REEP6: variants seen among roughly 807,000 people sequenced by gnomAD.
The protein encoded by REEP6 is receptor expression-enhancing protein 6.
REEP6 carries 19 observed loss-of-function variants against 22.4 expected under a neutral mutation model. The observed-to-expected ratio is 0.85, with a 90% CI of 0.59 to 1.25. REEP6 has a LOEUF of 1.25. Ranked by LOEUF, REEP6 falls within the 50% of genes most tolerant of loss-of-function variation. REEP6 has a pLI of 0.00. For synonymous variants in REEP6, 121 were observed against 113.6 expected (o/e 1.06, Z -0.41); for missense variants, 273 against 251.9 (o/e 1.08, Z -0.57).
At chr19:1,496,763 A>G (rs2085011962) in intron 4 of REEP6, 1 of 621,872 alleles carries the variant, frequency 1.6e-6, no homozygotes, top group South Asian at 1.6e-5. Flanking sequence ...CTGTGTGCAC[A>G]TGTATTATTG....
Position 1,491,219 on chromosome 19 carries a change from G to C in REEP6, c.-51G>C. The C allele has an allele frequency of 2.3e-6, 3 of 1,306,204 alleles. No homozygotes were observed. Among genetic ancestry groups the C allele is most frequent in the Non-Finnish European group, 2.1e-6 (2 of 975,202 alleles). 80.9% of individuals were successfully genotyped at this position (1,306,204 alleles called of 1,614,324 possible). A position where few individuals can be genotyped will look rare whatever the true frequency, so the allele number is the denominator to read the frequency against. On this transcript the variant is annotated 5_prime_UTR_variant, in exon 1 of 5. Coordinates refer to ENST00000233596, the MANE Select transcript of REEP6 (RefSeq NM_138393.4). The surrounding 1 kb of genome is among the most constrained non-coding windows in gnomAD (Gnocchi z 5.4). ...GCGGTGCGCGTGCAGCGGGGTGGGTGCCCTGGTCCGCGGGCGAGCTCGAGC... is the reference window on the plus strand; with the variant it reads ...GCGGTGCGCGTGCAGCGGGGTGGGTCCCCTGGTCCGCGGGCGAGCTCGAGC...
Position 1,497,143 on chromosome 19 carries a change from G to GGGCCC in REEP6, c.518-30_518-29insGCCCG. On this transcript the variant is annotated intron_variant, in intron 4 of 4. Coordinates refer to ENST00000233596, the MANE Select transcript of REEP6 (RefSeq NM_138393.4). This position sits in a 1 kb window ranked among gnomAD's most constrained non-coding sequence, Gnocchi z 6.5. ...TCCGGGGAGCCCAGGCCTGCCTCAC[G>GGGCCC]GCCCTCCCCCACCCGCCCCTCTCTC... 2 of 1,351,250 alleles carry GGGCCC rather than the reference G, an allele frequency of 1.5e-6. No homozygotes were observed. Among genetic ancestry groups the GGGCCC allele is most frequent in the Non-Finnish European group, 9.9e-7 (1 of 1,008,080 alleles). The allele number at this position is 1,351,250 out of a possible 1,614,324, so 83.7% of individuals were successfully genotyped here.
chr19:1,494,350 A>T (rs549116371), intron 1 of REEP6, among the ~76,000 whole-genome samples: 13 of 152,206 alleles, frequency 8.5e-5, no homozygotes, highest in Non-Finnish European at 1.9e-4. Context: ...ACACTGGGTG[A>T]TGTCTGGAGA....
intron 1 of REEP6, among the ~76,000 whole-genome samples, chr19:1,493,273 A>T (rs924956438): frequency 3.9e-5 from 6 of 151,996 alleles, no homozygotes; most frequent in African/African-American, 1.5e-4. Context: ...CCTCATCCCC[A>T]TCTCCCACCT....
In REEP6 at chr19:1,491,222, C is replaced by T. The variant is rs989022001; in HGVS notation, c.-48C>T. On this transcript the variant is annotated 5_prime_UTR_variant, in exon 1 of 5. Coordinates refer to ENST00000233596, the MANE Select transcript of REEP6 (RefSeq NM_138393.4). The surrounding 1 kb of genome is among the most constrained non-coding windows in gnomAD (Gnocchi z 5.4). Reference sequence around the variant, plus strand: ...GTGCGCGTGCAGCGGGGTGGGTGCCCTGGTCCGCGGGCGAGCTCGAGCAGC... The same window carrying T: ...GTGCGCGTGCAGCGGGGTGGGTGCCTTGGTCCGCGGGCGAGCTCGAGCAGC... 5 of 1,352,682 alleles carry T rather than the reference C, an allele frequency of 3.7e-6. No homozygotes were observed. In the African/African-American group the frequency reaches 4.6e-5, roughly 12 times the overall value. The allele number at this position is 1,352,682 out of a possible 1,614,324, so 83.8% of individuals were successfully genotyped here.
rs1259761113 is a variant in REEP6, at chr19:1,497,825, C to T, written c.*614C>T. The T allele has an allele frequency of 8.5e-6, 4 of 470,678 alleles. No homozygotes were observed. The highest frequency in any genetic ancestry group is 3.1e-5 in the South Asian group (2 of 64,566). 29.2% of individuals were successfully genotyped at this position (470,678 alleles called of 1,614,324 possible). On this transcript the variant is annotated 3_prime_UTR_variant, in exon 5 of 5. Transcript: ENST00000233596. The surrounding 1 kb of genome is among the most constrained non-coding windows in gnomAD (Gnocchi z 6.5). ...ACACTTCGGAGTCCACCACCGAGAT[C>T]ACCTGCAGCTGGCCACACCACAGGC...
intron 1 of REEP6, among the ~76,000 whole-genome samples, chr19:1,493,380 T>G (rs181216607): frequency 2.3e-3 from 350 of 152,064 alleles, no homozygotes; most frequent in African/African-American, 8.2e-3. Flanking sequence ...GCTGGGGGAC[T>G]CCTCCTACCC....
At chr19:1,495,971 G>C (rs1229011419) in intron 3 of REEP6, 7 of 532,210 alleles carry the variant, frequency 1.3e-5, no homozygotes, top group East Asian at 3.2e-5. Context: ...TGATGGTGGA[G>C]ACCCAGGCTT....
At position 1,495,364 on chromosome 19, in the gene REEP6, A is replaced by G; in HGVS notation, c.186A>G (p.Gly62=). 1 of 1,613,674 alleles carries G rather than the reference A, an allele frequency of 6.2e-7. No homozygotes were observed. Among genetic ancestry groups the G allele is most frequent in the East Asian group, 2.2e-5 (1 of 44,876 alleles). ...CGTCTCTGCTGTGCAATCTCATCGG[A>G]TTTGTGTACCCCGCATATGCCTCGT... is the stretch of plus-strand genomic sequence containing the variant. ...YGASLLCNLI[G]FVYPAYASIK... Residue 62 remains glycine (G), a synonymous_variant, in exon 2 of 5, where the codon GGA becomes GGG. Coordinates refer to ENST00000233596, the MANE Select transcript of REEP6 (RefSeq NM_138393.4).
rs2277748 is a variant in REEP6, at chr19:1,495,635, G to A, written c.348+28G>A. ...GGGCCCTGCCAGGGCGGGCACAGCC[G>A]TGGAGCGCATGGGGCTTGGGGATTC... On this transcript the variant is annotated intron_variant, in intron 3 of 4. Coordinates refer to ENST00000233596, the MANE Select transcript of REEP6 (RefSeq NM_138393.4). 567,158 of 1,611,614 alleles carry A rather than the reference G, an allele frequency of 0.35. 101,124 individuals are homozygous for A. The highest frequency in any genetic ancestry group is 0.49 in the African/African-American group (36,418 of 74,998).
rs765943043 is a variant in REEP6, at chr19:1,497,300, T to C, written c.*89T>C. 8.3e-7 allele frequency: 1 copy of C among 1,211,316 alleles called. No individual in the cohort carries two copies. The highest frequency in any genetic ancestry group is 2.5e-5 in the East Asian group (1 of 39,456). The allele number at this position is 1,211,316 out of a possible 1,614,324, so 75.0% of individuals were successfully genotyped here. ...AGGCCTCCACAGAGTCTTCAGCGCA[T>C]CCCCCAACAGCAGCCCCTGCCAGTC... On this transcript the variant is annotated 3_prime_UTR_variant, in exon 5 of 5. Coordinates refer to ENST00000233596, the MANE Select transcript of REEP6 (RefSeq NM_138393.4). This position sits in a 1 kb window ranked among gnomAD's most constrained non-coding sequence, Gnocchi z 6.5.
At chr19:1,495,793 T>A in intron 3 of REEP6, 186 bp downstream of exon 3, 1 of 739,128 alleles carries the variant, frequency 1.4e-6, no homozygotes, top group South Asian at 1.9e-5. Flanking sequence ...CTGAAGGGTG[T>A]CTGATGGTGG....
intron 4 of REEP6, chr19:1,496,677 TA>T (rs1347024860): frequency 2.9e-6 from 2 of 691,044 alleles, no homozygotes; most frequent in Admixed American, 4.0e-5. Context: ...TGACCGTACG[TA>T]ACCGCTGTGG....
intron 1 of REEP6, among the ~76,000 whole-genome samples, chr19:1,492,356 G>A (rs1184913173): frequency 6.6e-6 from 1 of 152,092 alleles, no homozygotes; most frequent in Admixed American, 6.6e-5. Flanking sequence ...TGAACTCCTG[G>A]CCTCAGGTGA....
intron 3 of REEP6, chr19:1,495,965 G>A: frequency 1.9e-6 from 1 of 531,550 alleles, no homozygotes; most frequent in Non-Finnish European, 3.3e-6. Context: ...GGTGTCTGAT[G>A]GTGGAGACCC....
intron 1 of REEP6, among the ~76,000 whole-genome samples, chr19:1,493,242 G>A (rs1313101825): frequency 2.6e-5 from 4 of 152,146 alleles, no homozygotes; most frequent in African/African-American, 9.7e-5. Context: ...CACGAGCCAG[G>A]CCCGGGGAGA....
chr19:1,496,576 G>A lies in REEP6; in HGVS notation c.517+123G>A, dbSNP rs753924151. 1.1e-5 allele frequency: 14 copies of A among 1,219,594 alleles called. No homozygotes were observed. In the African/African-American group the frequency reaches 1.9e-4, roughly 16 times the overall value. 75.5% of individuals were successfully genotyped at this position (1,219,594 alleles called of 1,614,324 possible). On this transcript the variant is annotated intron_variant, in intron 4 of 4. Coordinates refer to ENST00000233596, the MANE Select transcript of REEP6 (RefSeq NM_138393.4). ...CTCACTGTCCGCCTCTCTCTCTCAC[G>A]CTTCCGGGAACCAGTCTTGCAGGTC...
intron 1 of REEP6, among the ~76,000 whole-genome samples, chr19:1,495,014 C>A (rs1189059557): frequency 6.6e-6 from 1 of 152,212 alleles, no homozygotes; most frequent in Non-Finnish European, 1.5e-5. Flanking sequence ...CTATTCCGCA[C>A]CCACCCCCAC....
chr19:1,495,291 C>T lies in REEP6; in HGVS notation c.116-3C>T, dbSNP rs746303170. On this transcript the variant is annotated splice_region_variant and splice_polypyrimidine_tract_variant and intron_variant, in intron 1 of 4. Coordinates refer to ENST00000233596, the MANE Select transcript of REEP6 (RefSeq NM_138393.4). ...CTGGCACACCACCGCCTCTCTCCGGCAGGAGCCGTCACTCTGCTAAGCCTG... is the reference window on the plus strand; with the variant it reads ...CTGGCACACCACCGCCTCTCTCCGGTAGGAGCCGTCACTCTGCTAAGCCTG... The T allele has an allele frequency of 6.2e-7, 1 of 1,611,748 alleles. No homozygotes were observed. The highest frequency in any genetic ancestry group is 1.1e-5 in the South Asian group (1 of 91,088).
Sources: allele counts gnomAD v4.1 joint callset (sites outside exome capture counted in the v4.1 genomes callset), GRCh38; gene constraint gnomAD v4.1.1; non-coding constraint Gnocchi (gnomAD v3.1); transcripts MANE v1.5; gene names NCBI Gene and HGNC (gene_info 2026-07-23, HGNC 2026-07-21).